Variants in NPAT observed in about 807,000 individuals in gnomAD.
NPAT encodes the protein protein NPAT.
Under a neutral mutation model 130.7 loss-of-function variants are expected in NPAT, and 52 were observed. The ratio of observed to expected loss-of-function variants is 0.40; its 90% CI spans 0.32 to 0.50. NPAT has a LOEUF of 0.50. Among genes scored for constraint, NPAT ranks in the 20% least tolerant of loss-of-function variants. The pLI is 0.68. For synonymous variants in NPAT, 580 were observed against 584.8 expected, an observed-to-expected ratio of 0.99 and a Z score of 0.12; for missense variants, 1,687 against 1,662.6, an observed-to-expected ratio of 1.01 and a Z score of -0.26.
chr11:108,194,968 C>T (rs982787048), intron 2 of NPAT, among the ~76,000 whole-genome samples: 3 of 152,106 alleles, frequency 2.0e-5, no homozygotes, highest in Non-Finnish European at 4.4e-5. Flanking sequence ...GGACTACAGG[C>T]GCACGCCATC....
intron 1 of NPAT, among the ~76,000 whole-genome samples, chr11:108,218,113 A>C (rs918386294): frequency 1.3e-5 from 2 of 152,212 alleles, no homozygotes; most frequent in Admixed American, 6.5e-5. Context: ...TTTATTCCTA[A>C]AAACAACTTA....
At chr11:108,202,457 T>G (rs1421714610) in intron 1 of NPAT, among the ~76,000 whole-genome samples, 1 of 152,118 alleles carries the variant, frequency 6.6e-6, no homozygotes, top group Non-Finnish European at 1.5e-5. Context: ...GGGCCACCTC[T>G]CAGGGACACA....
chr11:108,205,851 T>C (rs2078320430), intron 1 of NPAT, among the ~76,000 whole-genome samples: 1 of 152,088 alleles, frequency 6.6e-6, no homozygotes, highest in Non-Finnish European at 1.5e-5. Flanking sequence ...GAGACCAACC[T>C]GGCCAACACA....
intron 1 of NPAT, among the ~76,000 whole-genome samples, chr11:108,216,510 G>A (rs1204793230): frequency 1.3e-5 from 2 of 151,036 alleles, no homozygotes; most frequent in African/African-American, 4.9e-5. Context: ...GAGGAGAGGA[G>A]GGTCAGGGAA....
chr11:108,193,356 A>T (rs2078189127), intron 3 of NPAT, among the ~76,000 whole-genome samples: 1 of 152,230 alleles, frequency 6.6e-6, no homozygotes, highest in African/African-American at 2.4e-5. Context: ...TTTATTTTAC[A>T]TATTTTTTAA....
At chr11:108,192,547 TATA>T (rs1200296853) in intron 3 of NPAT, among the ~76,000 whole-genome samples, 1 of 152,270 alleles carries the variant, frequency 6.6e-6, no homozygotes, top group African/African-American at 2.4e-5. Flanking sequence ...TAATCTGTCT[TATA>T]ATAATTATCA....
intron 1 of NPAT, among the ~76,000 whole-genome samples, chr11:108,216,128 C>G (rs1198674391): frequency 6.6e-6 from 1 of 152,092 alleles, no homozygotes; most frequent in East Asian, 1.9e-4. Flanking sequence ...AAAATTAGGA[C>G]AGTTGGAGCT....
chr11:108,222,365 C>CGGACGAAGAATTGAG (rs2078528581), intron 1 of NPAT, 135 bp downstream of exon 1: 6 of 882,890 alleles, frequency 6.8e-6, no homozygotes, highest in Non-Finnish European at 1.1e-5. Context: ...GACGAAGAAT[C>CGGACGAAGAATTGAG]ACCGCCAGTC....
At chr11:108,185,144 G>T (rs2134855923) in intron 10 of NPAT, 88 bp downstream of exon 10, 2 of 838,570 alleles carry the variant, frequency 2.4e-6, no homozygotes, top group African/African-American at 1.7e-5. Context: ...TCTTATGTTG[G>T]CAATGGTTTT....
At chr11:108,220,306 G>C (rs2078471095) in intron 1 of NPAT, among the ~76,000 whole-genome samples, 2 of 152,204 alleles carry the variant, frequency 1.3e-5, no homozygotes, top group Admixed American at 6.5e-5. Flanking sequence ...CAACTAAGTG[G>C]AATTCATTGT....
chr11:108,189,270 G>A lies in NPAT; in HGVS notation c.392C>T (p.Ala131Val), dbSNP rs1173654774. ...KRQRKLASQT[A>V]PASAELLTLP... ...AGTGAGCAACTCTGCACTGGCTGGA[G>A]CTGTTTGAGATGCAAGCTTTCTCTG... The change falls in exon 6 of 18, where the codon GCT (alanine) becomes GTT (valine). Residue 131 changes from alanine to valine, a missense_variant. Coordinates refer to ENST00000278612, the MANE Select transcript of NPAT (RefSeq NM_002519.3). 10 of 1,614,042 alleles carry A rather than the reference G, an allele frequency of 6.2e-6. No individual in the cohort carries two copies. Among genetic ancestry groups the A allele is most frequent in the African/African-American group, 2.7e-5 (2 of 74,922 alleles).
At chr11:108,193,163 C>T (rs1469100115) in intron 3 of NPAT, among the ~76,000 whole-genome samples, 1 of 152,176 alleles carries the variant, frequency 6.6e-6, no homozygotes, top group Non-Finnish European at 1.5e-5. Context: ...TCAAAACTTT[C>T]CCTCTAAAAC....
chr11:108,192,989 A>G (rs1052062102), intron 3 of NPAT, among the ~76,000 whole-genome samples: 2 of 151,974 alleles, frequency 1.3e-5, no homozygotes, highest in Non-Finnish European at 2.9e-5. Flanking sequence ...ACTAAATGAG[A>G]AAAAAAACAT....
At position 108,161,523 on chromosome 11, in the gene NPAT, A is replaced by G. The variant is rs769815253; in HGVS notation, c.3563T>C (p.Ile1188Thr). Residue 1188 changes from isoleucine to threonine, a missense_variant, in exon 17 of 18, where the codon ATT (isoleucine) becomes ACT (threonine). By Grantham distance (89) the Ile-to-Thr change is moderately conservative. Coordinates refer to ENST00000278612, the MANE Select transcript of NPAT (RefSeq NM_002519.3). ...QKNPENSKLS[I>T]GQQNGGLRSE... is the part of the protein sequence containing the mutation. ...TCGCAAACCCCCATTTTGCTGCCCAATAGATAGTTTTGAATTTTCTGGATT... is the reference window on the plus strand; with the variant it reads ...TCGCAAACCCCCATTTTGCTGCCCAGTAGATAGTTTTGAATTTTCTGGATT... The G allele has an allele frequency of 6.2e-7, 1 of 1,614,188 alleles. No homozygotes were observed. The highest frequency in any genetic ancestry group is 8.5e-7 in the Non-Finnish European group (1 of 1,180,034).
intron 1 of NPAT, among the ~76,000 whole-genome samples, chr11:108,204,434 A>C (rs1607476): frequency 0.62 from 93,753 of 151,978 alleles, 29,197 homozygotes; most frequent in Middle Eastern, 0.76. Flanking sequence ...CACTTTGGGT[A>C]CCCTCTCATG....
intron 10 of NPAT, among the ~76,000 whole-genome samples, chr11:108,182,417 C>A (rs931393231): frequency 6.6e-6 from 1 of 152,196 alleles, no homozygotes. Flanking sequence ...GACTTTCAGA[C>A]GTCCTGGTGC....
At chr11:108,204,718 A>G (rs1010925944) in intron 1 of NPAT, among the ~76,000 whole-genome samples, 2 of 152,216 alleles carry the variant, frequency 1.3e-5, no homozygotes, top group Non-Finnish European at 2.9e-5. Flanking sequence ...GGCCTGAATG[A>G]GCTGTTAACA....
intron 1 of NPAT, among the ~76,000 whole-genome samples, chr11:108,207,345 C>T (rs1328079693): frequency 6.6e-6 from 1 of 152,268 alleles, no homozygotes; most frequent in Non-Finnish European, 1.5e-5. Flanking sequence ...CTTTAGCTGT[C>T]TCTGGCTTGA....
At chr11:108,175,683 T>C (rs2077999079) in intron 12 of NPAT, among the ~76,000 whole-genome samples, 1 of 152,178 alleles carries the variant, frequency 6.6e-6, no homozygotes, top group African/African-American at 2.4e-5. Context: ...AGTCTGAGAT[T>C]CTCCAAGGAC....
Sources: gnomAD v4.1 joint callset for allele counts (sites outside exome capture counted in the v4.1 genomes callset) on GRCh38, gnomAD v4.1.1 for gene constraint, MANE v1.5 for transcripts, NCBI Gene and HGNC (gene_info 2026-07-23, HGNC 2026-07-21) for gene names.